The following IL1RAPL1 variants were observed in gnomAD, a reference collection of about 807,000 sequenced individuals.
IL1RAPL1 encodes interleukin 1 receptor accessory protein like 1.
In IL1RAPL1, 3 loss-of-function variants were observed where a neutral mutation model predicts 48.4. The observed-to-expected ratio is 0.06, with a 90% CI of 0.03 to 0.16. The LOEUF is 0.16. Among genes scored for constraint, IL1RAPL1 ranks in the 10% least tolerant of loss-of-function variants. The pLI is 1.00. For synonymous variants in IL1RAPL1, 185 were observed against 187.7 expected (o/e 0.99, Z 0.12); for missense variants, 349 against 530.6 (o/e 0.66, Z 3.36).
chrX:29,400,157 A>T (rs775243199), intron 5 of IL1RAPL1, among the ~76,000 whole-genome samples: 1 of 112,029 alleles, frequency 8.9e-6, no homozygotes, highest in African/African-American at 3.3e-5. Context: ...AGGTGGAAGG[A>T]CATGAGGACA....
intron 2 of IL1RAPL1, among the ~76,000 whole-genome samples, chrX:29,073,678 C>G (rs1480510484): frequency 1.8e-5 from 2 of 111,950 alleles, no homozygotes; most frequent in African/African-American, 6.5e-5. Flanking sequence ...TGACTCACTC[C>G]ATAACTAGAG....
At chrX:29,373,283 C>T (rs1340427710) in intron 3 of IL1RAPL1, among the ~76,000 whole-genome samples, 2 of 111,846 alleles carry the variant, frequency 1.8e-5, no homozygotes, top group South Asian at 3.7e-4. Flanking sequence ...TGAAACTTTA[C>T]TGAAGTTGTT....
intron 5 of IL1RAPL1, among the ~76,000 whole-genome samples, chrX:29,626,927 C>T (rs775481597): frequency 6.2e-5 from 7 of 112,227 alleles, no homozygotes; most frequent in South Asian, 3.7e-4. Flanking sequence ...GTAAATATAA[C>T]GCCTACGTAA....
intron 6 of IL1RAPL1, among the ~76,000 whole-genome samples, chrX:29,911,298 T>C (rs1337469883): frequency 9.0e-6 from 1 of 111,722 alleles, no homozygotes; most frequent in East Asian, 2.8e-4. Flanking sequence ...AGACAGAAAG[T>C]AGAAGTAGAT....
intron 9 of IL1RAPL1, among the ~76,000 whole-genome samples, chrX:29,947,648 GTCAC>G (rs2147254781): frequency 9.1e-6 from 1 of 110,130 alleles, no homozygotes; most frequent in East Asian, 2.8e-4. Context: ...CAATGACAAG[GTCAC>G]TCACTATTCA....
chrX:29,909,430 C>A (rs1474198987), intron 6 of IL1RAPL1, among the ~76,000 whole-genome samples: 8 of 110,267 alleles, frequency 7.3e-5, no homozygotes, highest in Non-Finnish European at 1.5e-4. Context: ...GACCCTATCT[C>A]AAAACAAACA....
chrX:29,275,026 A>G (rs953472758), intron 2 of IL1RAPL1, among the ~76,000 whole-genome samples: 2 of 109,482 alleles, frequency 1.8e-5, no homozygotes, highest in African/African-American at 6.7e-5. Context: ...ACTCCTAGCT[A>G]TCCCCTTCCA....
chrX:29,193,792 A>C (rs1417679585), intron 2 of IL1RAPL1, among the ~76,000 whole-genome samples: 2 of 111,794 alleles, frequency 1.8e-5, no homozygotes, highest in Non-Finnish European at 3.8e-5. Context: ...AAAACTGGCA[A>C]AATCTAAAAT....
chrX:29,406,703 A>G (rs866477515), intron 5 of IL1RAPL1, among the ~76,000 whole-genome samples: 1 of 97,130 alleles, frequency 1.0e-5, no homozygotes, highest in Non-Finnish European at 2.0e-5. Context: ...AAGTCAAATA[A>G]CATCAGTTTT....
At chrX:28,921,827 G>T (rs1441568676) in intron 2 of IL1RAPL1, among the ~76,000 whole-genome samples, 3 of 112,276 alleles carry the variant, frequency 2.7e-5, no homozygotes, top group Non-Finnish European at 5.6e-5. Context: ...ACTGATTTCT[G>T]ATGAACCGGT....
At chrX:28,844,239 G>A (rs1007038020) in intron 2 of IL1RAPL1, among the ~76,000 whole-genome samples, 5 of 105,159 alleles carry the variant, frequency 4.8e-5, no homozygotes, top group East Asian at 3.1e-4. Context: ...GGAACGGAAC[G>A]TAAACCCCCA....
chrX:29,525,731 G>T (rs1285028234), intron 5 of IL1RAPL1, among the ~76,000 whole-genome samples: 2 of 111,899 alleles, frequency 1.8e-5, no homozygotes, highest in Middle Eastern at 4.2e-3. Context: ...AAAACTCCAT[G>T]GGAAGGCTTA....
intron 8 of IL1RAPL1, among the ~76,000 whole-genome samples, chrX:29,929,456 C>G (rs1291650594): frequency 2.7e-5 from 3 of 111,635 alleles, no homozygotes; most frequent in East Asian, 2.8e-4. Flanking sequence ...GACCATTTGT[C>G]AGATTTTACA....
intron 6 of IL1RAPL1, among the ~76,000 whole-genome samples, chrX:29,744,096 A>C (rs776630589): frequency 8.9e-6 from 1 of 112,176 alleles, no homozygotes; most frequent in East Asian, 2.8e-4. Context: ...TTTTCCAACA[A>C]TCGAGTTTGT....
intron 5 of IL1RAPL1, among the ~76,000 whole-genome samples, chrX:29,500,666 A>G (rs1177758920): frequency 8.9e-6 from 1 of 112,428 alleles, no homozygotes. Context: ...ATAATATTTC[A>G]TTATATTATG....
intron 2 of IL1RAPL1, among the ~76,000 whole-genome samples, chrX:29,252,143 T>A (rs998182626): frequency 1.8e-5 from 2 of 112,612 alleles, no homozygotes; most frequent in African/African-American, 3.3e-5. Flanking sequence ...GAGGGATAGC[T>A]TTAGGAGATA....
At chrX:28,903,424 C>CTTTTTTT (rs199661606) in intron 2 of IL1RAPL1, among the ~76,000 whole-genome samples, 3 of 100,136 alleles carry the variant, frequency 3.0e-5, no homozygotes, top group Non-Finnish European at 4.0e-5. Context: ...TTCTTTCTTT[C>CTTTTTTT]TTTTTTTTTT....
chrX:28,978,001 G>A (rs73208077), intron 2 of IL1RAPL1, among the ~76,000 whole-genome samples: 8,647 of 112,035 alleles, frequency 0.077, 333 homozygotes, highest in Middle Eastern at 0.12. Flanking sequence ...AAAAGTGAAC[G>A]CGTTTCAGTT....
At chrX:29,479,029 G>GT (rs112940021) in intron 5 of IL1RAPL1, among the ~76,000 whole-genome samples, 115 of 105,169 alleles carry the variant, frequency 1.1e-3, no homozygotes, top group South Asian at 3.7e-3. Flanking sequence ...GAAAGCAGAA[G>GT]TTTTTTTTTT....
Sources: allele counts gnomAD v4.1 joint callset (sites outside exome capture counted in the v4.1 genomes callset), GRCh38; gene constraint gnomAD v4.1.1; transcripts MANE v1.5; gene names NCBI Gene and HGNC (gene_info 2026-07-23, HGNC 2026-07-21).